The following CHST8 variants were observed in gnomAD, a reference collection of about 807,000 sequenced individuals.
CHST8 encodes the protein carbohydrate sulfotransferase 8, also known as GALNAC-4-ST1.
A neutral mutation model predicts 15.0 loss-of-function variants in CHST8; 10 were observed. The ratio of observed to expected loss-of-function variants is 0.67; its 90% CI spans 0.41 to 1.13. The LOEUF (loss-of-function observed/expected upper bound fraction) is 1.13, where lower values mean the gene tolerates loss of function less well. CHST8 is among the 50% of genes most tolerant of loss of function. The probability of loss-of-function intolerance (pLI) is 0.00; values close to 1 mark genes in which losing one functional copy is unlikely to be tolerated. For missense variants in CHST8, 634 were observed against 608.2 expected, an observed-to-expected ratio of 1.04 and a Z score of -0.45; for synonymous variants, 259 against 256.6, an observed-to-expected ratio of 1.01 and a Z score of -0.09.
At chr19:33,691,852 T>C (rs960367188) in intron 3 of CHST8, among the ~76,000 whole-genome samples, 13 of 152,180 alleles carry the variant, frequency 8.5e-5, no homozygotes, top group African/African-American at 2.9e-4. Context: ...GGAGTGGAGA[T>C]GAGCGGATCT....
intron 3 of CHST8, among the ~76,000 whole-genome samples, chr19:33,700,795 C>A (rs956037560): frequency 7.2e-5 from 11 of 152,294 alleles, no homozygotes; most frequent in Admixed American, 6.5e-4. Context: ...CTACTTTGCA[C>A]CCAGCAGGGA....
intron 3 of CHST8, among the ~76,000 whole-genome samples, chr19:33,698,102 C>A (rs10411101): frequency 0.2 from 31,091 of 152,114 alleles, 3,705 homozygotes; most frequent in African/African-American, 0.33. Context: ...CATGGCAAAA[C>A]CCCGCCTCTA....
At chr19:33,710,726 C>A (rs1249318434) in intron 3 of CHST8, among the ~76,000 whole-genome samples, 1 of 152,186 alleles carries the variant, frequency 6.6e-6, no homozygotes, top group South Asian at 2.1e-4. Context: ...ATGCCTGATT[C>A]CCCTTGGTAG....
At chr19:33,680,502 C>A (rs550767157) in intron 2 of CHST8, among the ~76,000 whole-genome samples, 1 of 152,312 alleles carries the variant, frequency 6.6e-6, no homozygotes, top group South Asian at 2.1e-4. Flanking sequence ...CAGCCCTCTT[C>A]AAGGTTCCTC....
At position 33,772,309 on chromosome 19, in the gene CHST8, G is replaced by C; in HGVS notation, c.521G>C (p.Arg174Pro). The C allele has an allele frequency of 6.2e-7, 1 of 1,603,816 alleles. No homozygotes were observed. The highest frequency in any genetic ancestry group is 1.7e-4 in the Middle Eastern group (1 of 6,052). ...AAGTACCGGGCGAGCAGCAGCCGCC[G>C]GGCCGTCACGCCCCGCCACGTGTCC... Reference protein sequence around the residue: ...CAKYRASSSRRAVTPRHVSRI... With the variant: ...CAKYRASSSRPAVTPRHVSRI... The change falls in exon 5 of 5, where the codon CGG becomes CCG. Residue 174 changes from arginine to proline, a missense_variant. By Grantham distance (103) the Arg-to-Pro change is moderately radical. Coordinates refer to ENST00000650847, the MANE Select transcript of CHST8 (RefSeq NM_001127895.2).
At chr19:33,742,161 C>T (rs1005531554) in intron 3 of CHST8, among the ~76,000 whole-genome samples, 2 of 152,202 alleles carry the variant, frequency 1.3e-5, no homozygotes, top group East Asian at 1.9e-4. Context: ...ACTGAGAAAA[C>T]ATTCCCATGT....
At chr19:33,689,500 T>A (rs1345528948) in intron 3 of CHST8, 109 bp downstream of exon 3, 1 of 1,293,080 alleles carries the variant, frequency 7.7e-7, no homozygotes, top group African/African-American at 1.5e-5. Flanking sequence ...GGGGCAAGTC[T>A]GTGCCAAGAC....
At chr19:33,697,554 A>G (rs1417335036) in intron 3 of CHST8, among the ~76,000 whole-genome samples, 2 of 152,148 alleles carry the variant, frequency 1.3e-5, no homozygotes, top group East Asian at 3.9e-4. Context: ...TAAAACCCCT[A>G]TGAGTGAATT....
intron 3 of CHST8, among the ~76,000 whole-genome samples, chr19:33,738,599 TC>T (rs1974126611): frequency 6.6e-6 from 1 of 152,168 alleles, no homozygotes; most frequent in Non-Finnish European, 1.5e-5. Context: ...TTTCTTTTTT[TC>T]TTCTTTTGAG....
At chr19:33,722,229 G>A (rs538966706) in intron 3 of CHST8, among the ~76,000 whole-genome samples, 1 of 149,988 alleles carries the variant, frequency 6.7e-6, no homozygotes, top group South Asian at 2.1e-4. Flanking sequence ...TGAGCTGAAT[G>A]AATGGGTGGA....
intron 1 of CHST8, among the ~76,000 whole-genome samples, chr19:33,661,274 T>A (rs1972581504): frequency 6.6e-6 from 1 of 152,242 alleles, no homozygotes; most frequent in African/African-American, 2.4e-5. Flanking sequence ...CTCAGATGTT[T>A]GTGTGCATTG....
At chr19:33,655,939 A>G (rs933247599) in intron 1 of CHST8, among the ~76,000 whole-genome samples, 1 of 152,024 alleles carries the variant, frequency 6.6e-6, no homozygotes, top group Non-Finnish European at 1.5e-5. Context: ...TTCTTTTTCT[A>G]ATTTTTTAAG....
chr19:33,677,164 G>T (rs1241933090), intron 2 of CHST8, among the ~76,000 whole-genome samples: 3 of 152,096 alleles, frequency 2.0e-5, no homozygotes, highest in Admixed American at 1.3e-4. Context: ...CCGGCAGGGG[G>T]GGGCACTGGG....
At chr19:33,768,212 G>A (rs1321571133) in intron 3 of CHST8, among the ~76,000 whole-genome samples, 1 of 152,102 alleles carries the variant, frequency 6.6e-6, no homozygotes, top group Non-Finnish European at 1.5e-5. Flanking sequence ...CTTCCTAGTG[G>A]GGACACTAGG....
intron 2 of CHST8, among the ~76,000 whole-genome samples, chr19:33,670,465 G>A (rs994245869): frequency 1.3e-5 from 2 of 152,196 alleles, no homozygotes; most frequent in Admixed American, 6.5e-5. Context: ...CAGACACAGC[G>A]TAAACATAAA....
At chr19:33,757,524 GAAAGAAAGAAAGAA>G (rs1568358798) in intron 3 of CHST8, among the ~76,000 whole-genome samples, 460 of 19,254 alleles carry the variant, frequency 0.024, 86 homozygotes, top group Middle Eastern at 0.11. Flanking sequence ...GAAAGAAAGA[GAAAGAAAGAAAGAA>G]AGAAAGAAAG....
chr19:33,697,803 C>T (rs79422168), intron 3 of CHST8, among the ~76,000 whole-genome samples: 10,341 of 152,142 alleles, frequency 0.068, 394 homozygotes, highest in Middle Eastern at 0.17. Flanking sequence ...TGAGAGAATG[C>T]GGCACGTGGA....
chr19:33,763,672 C>T (rs568637085), intron 3 of CHST8, among the ~76,000 whole-genome samples: 17 of 152,342 alleles, frequency 1.1e-4, no homozygotes, highest in African/African-American at 3.6e-4. Context: ...TTTTTCCGGG[C>T]GTTCTGTGCC....
chr19:33,697,123 G>A (rs1031762113), intron 3 of CHST8, among the ~76,000 whole-genome samples: 8 of 149,558 alleles, frequency 5.3e-5, no homozygotes, highest in Non-Finnish European at 1.0e-4. Flanking sequence ...GATTACAGGC[G>A]GGAACCACCT....
Sources: allele counts gnomAD v4.1 joint callset (sites outside exome capture counted in the v4.1 genomes callset), GRCh38; gene constraint gnomAD v4.1.1; transcripts MANE v1.5; gene names NCBI Gene and HGNC (gene_info 2026-07-23, HGNC 2026-07-21).